The following TSPAN5 variants were observed in gnomAD, a reference collection of about 807,000 sequenced individuals.
The protein encoded by TSPAN5 is tetraspanin 5.
TSPAN5 carries 10 observed loss-of-function variants against 37.1 expected under a neutral mutation model. The ratio of observed to expected loss-of-function variants is 0.27; its 90% CI spans 0.17 to 0.46. TSPAN5 has a LOEUF of 0.46. TSPAN5 is among the 20% of genes least tolerant of loss of function. The pLI, the probability that TSPAN5 is intolerant of heterozygous loss-of-function variation, is 1.00. For synonymous variants in TSPAN5, 110 were observed against 118.9 expected, an observed-to-expected ratio of 0.93 and a Z score of 0.48; for missense variants, 195 against 326.6, an observed-to-expected ratio of 0.60 and a Z score of 3.11.
At chr4:98,492,285 A>C (rs989944958) in intron 2 of TSPAN5, among the ~76,000 whole-genome samples, 3 of 152,190 alleles carry the variant, frequency 2.0e-5, no homozygotes, top group Non-Finnish European at 4.4e-5. Context: ...TACCAAGTGG[A>C]GAAAGTCAGA....
chr4:98,584,826 T>A (rs1755449843), intron 1 of TSPAN5, among the ~76,000 whole-genome samples: 1 of 152,230 alleles, frequency 6.6e-6, no homozygotes, highest in Admixed American at 6.5e-5. Flanking sequence ...TGAATGTGTC[T>A]TGAATGAGAA....
At chr4:98,476,368 C>T in intron 6 of TSPAN5, 45 bp downstream of exon 6, 2 of 1,613,882 alleles carry the variant, frequency 1.2e-6, no homozygotes, top group Non-Finnish European at 1.7e-6. Flanking sequence ...GCCAAAGCTC[C>T]TCCAACACCC....
chr4:98,603,487 C>T (rs562706039), intron 1 of TSPAN5, among the ~76,000 whole-genome samples: 36 of 152,302 alleles, frequency 2.4e-4, no homozygotes, highest in Middle Eastern at 3.4e-3. Context: ...GATTAGTTGG[C>T]CAGCTCAAAC....
intron 1 of TSPAN5, among the ~76,000 whole-genome samples, chr4:98,516,173 G>C (rs1753725437): frequency 6.6e-6 from 1 of 152,152 alleles, no homozygotes; most frequent in African/African-American, 2.4e-5. Flanking sequence ...CCCCAACAGG[G>C]GCTCCTGTAC....
chr4:98,570,371 C>T (rs1755092263), intron 1 of TSPAN5, among the ~76,000 whole-genome samples: 1 of 152,176 alleles, frequency 6.6e-6, no homozygotes, highest in African/African-American at 2.4e-5. Flanking sequence ...GGCCAAAAAC[C>T]AAACCATACG....
At chr4:98,521,019 C>T (rs1295965812) in intron 1 of TSPAN5, among the ~76,000 whole-genome samples, 1 of 152,158 alleles carries the variant, frequency 6.6e-6, no homozygotes, top group African/African-American at 2.4e-5. Context: ...GCAACCTCCA[C>T]CTCCCCGGTT....
At chr4:98,630,357 A>T (rs1209967841) in intron 1 of TSPAN5, among the ~76,000 whole-genome samples, 1 of 152,168 alleles carries the variant, frequency 6.6e-6, no homozygotes, top group Non-Finnish European at 1.5e-5. Flanking sequence ...ATACAGCAGC[A>T]CCACCTCCTC....
chr4:98,592,086 T>C (rs1579015014), intron 1 of TSPAN5, among the ~76,000 whole-genome samples: 1 of 151,784 alleles, frequency 6.6e-6, no homozygotes, highest in African/African-American at 2.4e-5. Flanking sequence ...ATGATAGTAA[T>C]TCAATAAAGA....
chr4:98,554,839 G>C (rs1754702353), intron 1 of TSPAN5, among the ~76,000 whole-genome samples: 1 of 152,184 alleles, frequency 6.6e-6, no homozygotes, highest in Non-Finnish European at 1.5e-5. Flanking sequence ...AAAGGAGAGA[G>C]TATGTGCCAA....
intron 1 of TSPAN5, among the ~76,000 whole-genome samples, chr4:98,612,712 C>G (rs528424188): frequency 0.016 from 2,362 of 152,304 alleles, 45 homozygotes; most frequent in African/African-American, 0.055. Flanking sequence ...CCCCCCGCTC[C>G]CCTATCTCTG....
chr4:98,510,524 T>G (rs566142785), intron 1 of TSPAN5, among the ~76,000 whole-genome samples: 1 of 152,220 alleles, frequency 6.6e-6, no homozygotes, highest in Admixed American at 6.5e-5. Context: ...TGGGTCCACA[T>G]TCTCCTTTTT....
chr4:98,507,730 T>G lies in TSPAN5; in HGVS notation c.82-2A>C, dbSNP rs1242908114. 6.2e-7 allele frequency: 1 copy of G among 1,607,362 alleles called. No homozygotes were observed. On this transcript the variant is annotated splice_acceptor_variant, in intron 1 of 7. Coordinates refer to ENST00000305798, the MANE Select transcript of TSPAN5 (RefSeq NM_005723.4). LOFTEE classifies it high-confidence loss of function. ...TCCAAGAAATGTTATTCCCAAAAAC[T>G]GAAAAAGAAAGAAAGCAGTGTAAAT...
rs1331548807 is a variant in TSPAN5, at chr4:98,658,594, T to C, written c.-368A>G. The C allele has an allele frequency of 6.4e-6, 1 of 155,326 alleles. No individual in the cohort carries two copies. Among genetic ancestry groups the C allele is most frequent in the Non-Finnish European group, 1.4e-5 (1 of 70,564 alleles). 9.6% of individuals were successfully genotyped at this position (155,326 alleles called of 1,614,324 possible). A position where few individuals can be genotyped will look rare whatever the true frequency, so the allele number is the denominator to read the frequency against. ...CAAAGGCGGCCGCGGCAGATGCTGG[T>C]GGAGACGCCGCTCGCTTGCTCGCCC... On this transcript the variant is annotated 5_prime_UTR_variant, in exon 1 of 8. Transcript: ENST00000305798.
intron 1 of TSPAN5, among the ~76,000 whole-genome samples, chr4:98,513,727 T>C (rs1753664710): frequency 6.6e-6 from 1 of 152,216 alleles, no homozygotes; most frequent in Non-Finnish European, 1.5e-5. Flanking sequence ...AGGACAGTTT[T>C]CTTTTCTGTG....
chr4:98,542,794 G>A (rs1919210), intron 1 of TSPAN5, among the ~76,000 whole-genome samples: 114,933 of 150,768 alleles, frequency 0.76, 44,725 homozygotes, highest in African/African-American at 0.92. Context: ...GAGGTGTGAC[G>A]GAGACAACTG....
chr4:98,581,702 A>C (rs1755374340), intron 1 of TSPAN5, among the ~76,000 whole-genome samples: 1 of 152,204 alleles, frequency 6.6e-6, no homozygotes, highest in African/African-American at 2.4e-5. Context: ...AGAAAAGGGT[A>C]ATTTCTTCCC....
chr4:98,655,871 G>A (rs1026303985), intron 1 of TSPAN5, among the ~76,000 whole-genome samples: 2 of 152,116 alleles, frequency 1.3e-5, no homozygotes, highest in African/African-American at 4.8e-5. Flanking sequence ...TTAAATATGG[G>A]GTAATTTTGA....
chr4:98,538,266 C>T (rs1467798594), intron 1 of TSPAN5, among the ~76,000 whole-genome samples: 2 of 152,228 alleles, frequency 1.3e-5, no homozygotes, highest in Non-Finnish European at 2.9e-5. Context: ...AAAGCAGTTA[C>T]TTTGTGGCTG....
intron 1 of TSPAN5, among the ~76,000 whole-genome samples, chr4:98,557,792 A>C (rs1335008641): frequency 6.6e-6 from 1 of 152,240 alleles, no homozygotes; most frequent in Non-Finnish European, 1.5e-5. Flanking sequence ...CCCCTGATAC[A>C]ACAAAAATGG....
Sources: gnomAD v4.1 joint callset for allele counts (sites outside exome capture counted in the v4.1 genomes callset) on GRCh38, gnomAD v4.1.1 for gene constraint, MANE v1.5 for transcripts, NCBI Gene and HGNC (gene_info 2026-07-23, HGNC 2026-07-21) for gene names.